The following OPCML variants were observed in gnomAD, a reference collection of about 807,000 sequenced individuals.
OPCML encodes opioid binding protein/cell adhesion molecule like, also known as opioid-binding protein/cell adhesion molecule.
Under a neutral mutation model 37.8 loss-of-function variants are expected in OPCML, and 13 were observed. That is an observed-to-expected ratio of 0.34 (90% CI 0.22 to 0.55). The LOEUF (loss-of-function observed/expected upper bound fraction) is 0.55. OPCML is among the 20% of genes least tolerant of loss of function. OPCML has a pLI of 0.91. For synonymous variants in OPCML, 176 were observed against 168.8 expected (o/e 1.04, Z -0.33); for missense variants, 341 against 435.6 (o/e 0.78, Z 1.93).
chr11:133,178,334 A>AGCCACAGGCTCCCTACTCTG (rs1390774068), intron 1 of OPCML, among the ~76,000 whole-genome samples: 1 of 152,138 alleles, frequency 6.6e-6, no homozygotes, highest in Non-Finnish European at 1.5e-5. Context: ...AGAGCTTGCC[A>AGCCACAGGCTCCCTACTCTG]GCCACAGGCT....
At chr11:132,642,650 G>C (rs1940920002) in intron 3 of OPCML, among the ~76,000 whole-genome samples, 1 of 152,194 alleles carries the variant, frequency 6.6e-6, no homozygotes. Flanking sequence ...AATTAACCTA[G>C]CAGTGGAAAA....
intron 1 of OPCML, among the ~76,000 whole-genome samples, chr11:133,414,460 A>G (rs1443890247): frequency 6.6e-6 from 1 of 152,174 alleles, no homozygotes; most frequent in Non-Finnish European, 1.5e-5. Context: ...TTCTCCCATC[A>G]TGTATCAGAC....
chr11:133,200,750 T>TACC (rs1476253742), intron 1 of OPCML, among the ~76,000 whole-genome samples: 4 of 152,170 alleles, frequency 2.6e-5, no homozygotes, highest in African/African-American at 9.7e-5. Flanking sequence ...AAAATAAAAC[T>TACC]ACCATTCAAC....
At chr11:133,147,675 C>T (rs1949916886) in intron 1 of OPCML, among the ~76,000 whole-genome samples, 1 of 152,110 alleles carries the variant, frequency 6.6e-6, no homozygotes, top group Non-Finnish European at 1.5e-5. Context: ...TGTAACCCGC[C>T]CTGCTCCCCA....
chr11:133,017,194 C>T (rs1393241275), intron 1 of OPCML, among the ~76,000 whole-genome samples: 3 of 152,148 alleles, frequency 2.0e-5, no homozygotes, highest in Non-Finnish European at 2.9e-5. Context: ...CTTTTATAAG[C>T]GCACTAATCC....
At chr11:132,973,200 C>T (rs1179051914) in intron 1 of OPCML, among the ~76,000 whole-genome samples, 2 of 152,182 alleles carry the variant, frequency 1.3e-5, no homozygotes, top group African/African-American at 4.8e-5. Context: ...CAAATGTCCT[C>T]CTTCTCCTCC....
At chr11:132,811,334 T>C (rs1440869870) in intron 2 of OPCML, among the ~76,000 whole-genome samples, 1 of 152,226 alleles carries the variant, frequency 6.6e-6, no homozygotes, top group Non-Finnish European at 1.5e-5. Context: ...TCTTTTCACC[T>C]TTCTTTAGAG....
At chr11:133,237,479 A>G (rs945568075) in intron 1 of OPCML, among the ~76,000 whole-genome samples, 1 of 152,146 alleles carries the variant, frequency 6.6e-6, no homozygotes, top group Non-Finnish European at 1.5e-5. Context: ...TGAGGGAGGG[A>G]AACAACTTTC....
chr11:132,886,831 T>C (rs1943441338), intron 2 of OPCML, among the ~76,000 whole-genome samples: 1 of 152,204 alleles, frequency 6.6e-6, no homozygotes, highest in Non-Finnish European at 1.5e-5. Flanking sequence ...CCCCTGCCTC[T>C]GTCCTCTGAC....
intron 2 of OPCML, among the ~76,000 whole-genome samples, chr11:132,721,179 C>T (rs1423360415): frequency 1.3e-5 from 2 of 152,128 alleles, no homozygotes; most frequent in East Asian, 1.9e-4. Flanking sequence ...AGCTGAGAAA[C>T]GAACTTTGTC....
chr11:132,736,766 G>C (rs915006112), intron 2 of OPCML, among the ~76,000 whole-genome samples: 2 of 152,068 alleles, frequency 1.3e-5, no homozygotes, highest in African/African-American at 4.8e-5. Flanking sequence ...TTCAGCCCCA[G>C]GTAAGCCCTT....
At chr11:132,805,414 T>C (rs1236110295) in intron 2 of OPCML, among the ~76,000 whole-genome samples, 1 of 152,218 alleles carries the variant, frequency 6.6e-6, no homozygotes, top group Non-Finnish European at 1.5e-5. Context: ...TCCCACATTT[T>C]ATTTAAGAAA....
intron 1 of OPCML, among the ~76,000 whole-genome samples, chr11:133,294,581 G>T: frequency 6.6e-6 from 1 of 151,936 alleles, no homozygotes; most frequent in Non-Finnish European, 1.5e-5. Flanking sequence ...TTCATGAGGA[G>T]GTGGACCAAG....
At chr11:132,498,073 A>G (rs1565614512) in intron 4 of OPCML, among the ~76,000 whole-genome samples, 1 of 152,222 alleles carries the variant, frequency 6.6e-6, no homozygotes, top group Non-Finnish European at 1.5e-5. Context: ...TTGTCTAAAC[A>G]TATTCTATAT....
At chr11:133,396,137 G>T (rs1018445861) in intron 1 of OPCML, among the ~76,000 whole-genome samples, 1 of 150,836 alleles carries the variant, frequency 6.6e-6, no homozygotes, top group African/African-American at 2.4e-5. Context: ...TTTATTTGTG[G>T]CTACTATAAA....
At chr11:133,228,086 G>C (rs1940116273) in intron 1 of OPCML, among the ~76,000 whole-genome samples, 1 of 152,206 alleles carries the variant, frequency 6.6e-6, no homozygotes, top group African/African-American at 2.4e-5. Flanking sequence ...TGGGATGGGA[G>C]ATGTCCCATT....
intron 1 of OPCML, among the ~76,000 whole-genome samples, chr11:133,265,219 T>C (rs1184738744): frequency 6.6e-6 from 1 of 152,334 alleles, no homozygotes; most frequent in South Asian, 2.1e-4. Context: ...ATACTTGGAC[T>C]AACTTGGAGG....
intron 1 of OPCML, among the ~76,000 whole-genome samples, chr11:133,077,096 G>A (rs922270298): frequency 3.9e-5 from 6 of 152,004 alleles, no homozygotes; most frequent in Non-Finnish European, 8.8e-5. Flanking sequence ...TCTGGGTTGC[G>A]GTTCTCTAGA....
At chr11:132,965,690 G>GCC (rs1427300059) in intron 1 of OPCML, among the ~76,000 whole-genome samples, 2 of 152,078 alleles carry the variant, frequency 1.3e-5, no homozygotes, top group Non-Finnish European at 2.9e-5. Context: ...GGGCCACCAC[G>GCC]CCCAGCTAAT....
Sources: allele counts gnomAD v4.1 joint callset (sites outside exome capture counted in the v4.1 genomes callset), GRCh38; gene constraint gnomAD v4.1.1; transcripts MANE v1.5; gene names NCBI Gene and HGNC (gene_info 2026-07-23, HGNC 2026-07-21).